The following PPEF1 variants were observed in gnomAD, a reference collection of about 807,000 sequenced individuals.
The protein encoded by PPEF1 is protein phosphatase with EF-hand domain 1, also known as serine/threonine-protein phosphatase with EF-hands 1.
PPEF1 carries 12 observed loss-of-function variants against 53.3 expected under a neutral mutation model. The observed-to-expected ratio is 0.23, with a 90% confidence interval of 0.14 to 0.36. PPEF1 has a LOEUF of 0.36. Among genes scored for constraint, PPEF1 ranks in the 10% least tolerant of loss-of-function variants. PPEF1 has a pLI of 1.00. For synonymous variants in PPEF1, 165 were observed against 176.7 expected, an observed-to-expected ratio of 0.93 and a Z score of 0.52; for missense variants, 334 against 490.4, an observed-to-expected ratio of 0.68 and a Z score of 3.01.
chrX:18,726,351 CAAATAAATAAAT>C (rs557593698), intron 1 of PPEF1, among the ~76,000 whole-genome samples: 159 of 94,763 alleles, frequency 1.7e-3, no homozygotes, highest in African/African-American at 3.4e-3. Context: ...GACTCTGACT[CAAATAAATAAAT>C]AAATAAATAA....
At chrX:18,783,714 T>G (rs2046141713) in intron 8 of PPEF1, among the ~76,000 whole-genome samples, 185 bp from the exon 9 acceptor site, 1 of 74,687 alleles carries the variant, frequency 1.3e-5, no homozygotes, top group African/African-American at 4.4e-5. Flanking sequence ...AGACTCCATC[T>G]CAAAAAAAAA....
chrX:18,819,662 C>G (rs1393394648), intron 13 of PPEF1, among the ~76,000 whole-genome samples: 1 of 111,427 alleles, frequency 9.0e-6, no homozygotes, highest in Non-Finnish European at 1.9e-5. Context: ...CCATTGCACT[C>G]CAGCCTGGGT....
At chrX:18,719,429 C>T (rs1042169481) in intron 1 of PPEF1, among the ~76,000 whole-genome samples, 2 of 108,624 alleles carry the variant, frequency 1.8e-5, no homozygotes, top group African/African-American at 6.7e-5. Flanking sequence ...TCACTGCAGC[C>T]TCAACCTCCT....
At chrX:18,738,497 GT>G (rs2045051641) in intron 3 of PPEF1, among the ~76,000 whole-genome samples, 2 of 112,279 alleles carry the variant, frequency 1.8e-5, no homozygotes, top group South Asian at 7.4e-4. Context: ...GAGATCCGCT[GT>G]TAGTCTGATA....
intron 2 of PPEF1, among the ~76,000 whole-genome samples, chrX:18,732,972 G>A (rs1223696043): frequency 8.9e-6 from 1 of 111,987 alleles, no homozygotes; most frequent in Non-Finnish European, 1.9e-5. Flanking sequence ...GGGAGGCCGA[G>A]GCAGGTGGAT....
intron 1 of PPEF1, among the ~76,000 whole-genome samples, chrX:18,683,084 C>T (rs1354975880): frequency 1.1e-4 from 12 of 111,551 alleles, no homozygotes; most frequent in African/African-American, 3.9e-4. Flanking sequence ...ATGAGAACAG[C>T]ATGGGAAAGA....
chrX:18,821,456 G>A (rs1181268937), intron 13 of PPEF1, among the ~76,000 whole-genome samples: 4 of 110,671 alleles, frequency 3.6e-5, no homozygotes, highest in Non-Finnish European at 5.7e-5. Context: ...CACCCAGGCT[G>A]GAGTGCAGTG....
chrX:18,807,478 C>G (rs2046697586), intron 12 of PPEF1, among the ~76,000 whole-genome samples: 1 of 111,753 alleles, frequency 8.9e-6, no homozygotes, highest in Non-Finnish European at 1.9e-5. Flanking sequence ...TAGAATGGCC[C>G]CTTCCACCCT....
At chrX:18,713,219 G>A (rs1006252106) in intron 1 of PPEF1, among the ~76,000 whole-genome samples, 2 of 111,088 alleles carry the variant, frequency 1.8e-5, no homozygotes, top group Non-Finnish European at 3.8e-5. Context: ...ATATTTGGTA[G>A]AATTCATCAG....
At chrX:18,760,234 G>C (rs985725598) in intron 5 of PPEF1, among the ~76,000 whole-genome samples, 27 of 111,140 alleles carry the variant, frequency 2.4e-4, no homozygotes, top group African/African-American at 8.5e-4. Context: ...TGATCCACCT[G>C]CCTCGGCCTC....
rs1050207559 is a variant in PPEF1, at chrX:18,741,775, T to C, written c.235+7967T>C. Among the ~76,000 whole-genome samples, 53 of 99,641 alleles carry C rather than the reference T, an allele frequency of 5.3e-4. 1 individual carries two copies. Among genetic ancestry groups the C allele is most frequent in the African/African-American group, 7.9e-4 (20 of 25,358 alleles). The allele number at this position is 99,641 out of a possible 115,157, so 86.5% of individuals were successfully genotyped here. On this transcript the variant is annotated intron_variant, in intron 3 of 15. Coordinates refer to ENST00000470157, the MANE Select transcript of PPEF1 (RefSeq NM_001377996.1). Reference sequence around the variant, plus strand: ...CATTTGAGTCTGGCTGCTGCTTCTTTTTTTTTTTTTTTTTTTTTTTTAACG... The same window carrying C: ...CATTTGAGTCTGGCTGCTGCTTCTTCTTTTTTTTTTTTTTTTTTTTTAACG...
chrX:18,743,474 G>T, intron 3 of PPEF1, among the ~76,000 whole-genome samples: 2 of 69,995 alleles, frequency 2.9e-5, no homozygotes, highest in Non-Finnish European at 2.4e-5. Flanking sequence ...TTTTGAGACA[G>T]AGTCTTACTC....
intron 6 of PPEF1, among the ~76,000 whole-genome samples, chrX:18,774,214 T>TA (rs1322231486): frequency 9.0e-6 from 1 of 111,141 alleles, no homozygotes; most frequent in Non-Finnish European, 1.9e-5. Context: ...CTCAGCCTCC[T>TA]AAGTAGCTGG....
At position 18,817,925 on chromosome X, in the gene PPEF1, G is replaced by T. The variant is rs1453753046; in HGVS notation, c.1395-114G>T. 7.6e-6 allele frequency: 4 copies of T among 529,383 alleles called. No individual in the cohort carries two copies. The East Asian group carries it at 1.5e-4, about 19-fold the overall frequency. The allele number at this position is 529,383 out of a possible 1,213,427, so 43.6% of individuals were successfully genotyped here. A position where few individuals can be genotyped will look rare whatever the true frequency, so the allele number is the denominator to read the frequency against. On this transcript the variant is annotated intron_variant, in intron 12 of 15. Coordinates refer to ENST00000470157, the MANE Select transcript of PPEF1 (RefSeq NM_001377996.1). ...TTTACCATCTAGTAGCGATATGTGAGAATCTGGGCAATTCATTTAAAGTAA... is the reference window on the plus strand; with the variant it reads ...TTTACCATCTAGTAGCGATATGTGATAATCTGGGCAATTCATTTAAAGTAA...
At chrX:18,826,076 G>A (rs776392597) in intron 15 of PPEF1, among the ~76,000 whole-genome samples, 1 of 111,999 alleles carries the variant, frequency 8.9e-6, no homozygotes, top group East Asian at 2.8e-4. Flanking sequence ...TGGGGTAGCA[G>A]TAGTAGAAAG....
At chrX:18,734,472 G>C (rs2044919911) in intron 3 of PPEF1, among the ~76,000 whole-genome samples, 1 of 110,742 alleles carries the variant, frequency 9.0e-6, no homozygotes, top group Non-Finnish European at 1.9e-5. Context: ...CCTTTTTAAT[G>C]ACTGCATAGT....
intron 3 of PPEF1, among the ~76,000 whole-genome samples, chrX:18,749,306 C>G (rs2045392700): frequency 8.9e-6 from 1 of 112,558 alleles, no homozygotes; most frequent in Admixed American, 9.4e-5. Context: ...AAATCCGTTA[C>G]AGCTAAATAG....
At chrX:18,753,119 C>T (rs1013343988) in intron 4 of PPEF1, among the ~76,000 whole-genome samples, 2 of 111,335 alleles carry the variant, frequency 1.8e-5, no homozygotes, top group African/African-American at 6.5e-5. Context: ...CCATTGAAGC[C>T]ATTTGGCCTT....
chrX:18,825,885 G>A, intron 15 of PPEF1, 50 bp downstream of exon 15: 1 of 884,859 alleles, frequency 1.1e-6, no homozygotes, highest in Non-Finnish European at 1.6e-6. Flanking sequence ...ATGTGTGTGT[G>A]TATGTTGGGG....
Sources: gnomAD v4.1 joint callset for allele counts (sites outside exome capture counted in the v4.1 genomes callset) on GRCh38, gnomAD v4.1.1 for gene constraint, MANE v1.5 for transcripts, NCBI Gene and HGNC (gene_info 2026-07-23, HGNC 2026-07-21) for gene names.